The following ABCA10 variants were observed in gnomAD, a reference collection of about 807,000 sequenced individuals.
ABCA10 encodes ATP-binding cassette sub-family A member 10.
Under a neutral mutation model 187.5 loss-of-function variants are expected in ABCA10, and 169 were observed. The observed-to-expected ratio is 0.90, with a 90% CI of 0.80 to 1.02. The LOEUF is 1.02. ABCA10 is among the 50% of genes least tolerant of loss of function. ABCA10 has a pLI of 0.00. For synonymous variants in ABCA10, 574 were observed against 601.8 expected, an observed-to-expected ratio of 0.95 and a Z score of 0.68; for missense variants, 1,727 against 1,812.4, an observed-to-expected ratio of 0.95 and a Z score of 0.86.
At chr17:69,154,111 A>T in intron 31 of ABCA10, 102 bp from the exon 32 acceptor site, 1 of 1,484,316 alleles carries the variant, frequency 6.7e-7, no homozygotes, top group Non-Finnish European at 9.1e-7. Context: ...TATTTTTTGA[A>T]TACGCAAGAG....
At chr17:69,228,465 G>A (rs1181216227) in intron 1 of ABCA10, 116 bp downstream of exon 1, 1 of 151,694 alleles carries the variant, frequency 6.6e-6, no homozygotes, top group Non-Finnish European at 1.5e-5. Flanking sequence ...AAATAATTTA[G>A]AGCATCTGAA....
chr17:69,174,497 T>C, intron 24 of ABCA10, 103 bp from the exon 25 acceptor site: 2 of 1,450,220 alleles, frequency 1.4e-6, no homozygotes, highest in Non-Finnish European at 1.9e-6. Context: ...GCAATTTTCT[T>C]ATTTTCTTGC....
At chr17:69,232,541 T>C (rs1394841435), upstream of ABCA10, among the ~76,000 whole-genome samples, 1 of 152,190 alleles carries the variant, frequency 6.6e-6, no homozygotes, top group Non-Finnish European at 1.5e-5. Flanking sequence ...GAATTTTTGA[T>C]GTCACAATTT....
intron 4 of ABCA10, 147 bp downstream of exon 4, chr17:69,222,386 A>G (rs755435613): frequency 4.5e-6 from 3 of 662,928 alleles, no homozygotes; most frequent in Non-Finnish European, 6.7e-6. Flanking sequence ...AATGAGACTC[A>G]TCCTAAGTTA....
chr17:69,164,538 C>T (rs2074241541), intron 26 of ABCA10, among the ~76,000 whole-genome samples: 1 of 152,094 alleles, frequency 6.6e-6, no homozygotes, highest in Admixed American at 6.5e-5. Context: ...GTCATACACT[C>T]CAAAAGCAAT....
intron 1 of ABCA10, among the ~76,000 whole-genome samples, chr17:69,236,054 A>G (rs2074868269): frequency 6.6e-6 from 1 of 152,180 alleles, no homozygotes. Context: ...AATAACCATG[A>G]GGACAAAGAT....
intron 27 of ABCA10, among the ~76,000 whole-genome samples, chr17:69,161,201 A>T (rs2074215236): frequency 6.6e-6 from 1 of 152,222 alleles, no homozygotes; most frequent in Admixed American, 6.5e-5. Flanking sequence ...TATATAAAGT[A>T]GTAAAATTTA....
chr17:69,189,847 T>C (rs1034012726), intron 18 of ABCA10, among the ~76,000 whole-genome samples: 6 of 152,192 alleles, frequency 3.9e-5, no homozygotes, highest in African/African-American at 1.4e-4. Context: ...TGTGGCTTTA[T>C]TGCTGGGTTC....
chr17:69,155,975 G>A, intron 28 of ABCA10, 50 bp from the exon 29 acceptor site: 1 of 1,568,262 alleles, frequency 6.4e-7, no homozygotes, highest in Admixed American at 1.9e-5. Context: ...CTGTACAACT[G>A]TTAAGAAAAT....
intron 1 of ABCA10, among the ~76,000 whole-genome samples, chr17:69,243,677 C>A (rs1208107902): frequency 1.3e-5 from 2 of 152,294 alleles, no homozygotes; most frequent in East Asian, 3.9e-4. Flanking sequence ...GCAGGAGGAT[C>A]CCTTAAGCCC....
At chr17:69,173,515 G>C (rs1372498877) in intron 25 of ABCA10, among the ~76,000 whole-genome samples, 1 of 152,118 alleles carries the variant, frequency 6.6e-6, no homozygotes, top group East Asian at 1.9e-4. Flanking sequence ...AAGAAAAAAA[G>C]AGAGAGTCAA....
At chr17:69,206,454 C>G (rs2074592571) in intron 9 of ABCA10, among the ~76,000 whole-genome samples, 1 of 152,134 alleles carries the variant, frequency 6.6e-6, no homozygotes, top group South Asian at 2.1e-4. Flanking sequence ...AGTACAGCAC[C>G]TGAGTGTAGT....
chr17:69,157,071 A>G, intron 27 of ABCA10, 148 bp from the exon 28 acceptor site: 1 of 484,168 alleles, frequency 2.1e-6, no homozygotes, highest in Non-Finnish European at 3.6e-6. Flanking sequence ...GCAACTTGTA[A>G]AATACTTCTC....
At chr17:69,192,868 C>T (rs763837498) in intron 15 of ABCA10, among the ~76,000 whole-genome samples, 1 of 152,170 alleles carries the variant, frequency 6.6e-6, no homozygotes, top group Non-Finnish European at 1.5e-5. Flanking sequence ...AATCCAGTGC[C>T]TCAAAACTTT....
intron 10 of ABCA10, 78 bp downstream of exon 10, chr17:69,201,422 A>G (rs2074543423): frequency 4.8e-6 from 6 of 1,246,180 alleles, no homozygotes; most frequent in Non-Finnish European, 6.5e-6. Context: ...CACATAATCT[A>G]TATCAACATT....
In ABCA10 at chr17:69,175,242, C is replaced by T. The variant is rs1169130471; in HGVS notation, c.2877+164G>A. 2.6e-5 allele frequency among the ~76,000 whole-genome samples: 4 copies of T among 152,102 alleles called. No individual in the cohort carries two copies. In the East Asian group the frequency reaches 5.8e-4, roughly 22 times the overall value. ...TGCTAAATGGTAAACTTTCTGACCT[C>T]TTTGAAATCATGTGTTTACTATAAT... On this transcript the variant is annotated intron_variant, in intron 23 of 38. Coordinates refer to ENST00000690296, the MANE Select transcript of ABCA10 (RefSeq NM_001377321.1).
intron 3 of ABCA10, 55 bp from the exon 4 acceptor site, chr17:69,222,752 C>A (rs2074760658): frequency 4.2e-6 from 6 of 1,445,132 alleles, no homozygotes; most frequent in Non-Finnish European, 2.8e-6. Flanking sequence ...TACTAGAGGA[C>A]ACAAAAACAA....
intron 10 of ABCA10, among the ~76,000 whole-genome samples, chr17:69,199,669 C>G (rs2144814582): frequency 6.6e-6 from 1 of 152,306 alleles, no homozygotes; most frequent in African/African-American, 2.4e-5. Flanking sequence ...ACCTAAATAA[C>G]CGCTCTTCAT....
At chr17:69,166,209 C>G (rs2074253772) in intron 25 of ABCA10, among the ~76,000 whole-genome samples, 1 of 152,064 alleles carries the variant, frequency 6.6e-6, no homozygotes, top group Admixed American at 6.6e-5. Context: ...AGTGGCTTCT[C>G]ATGGTTCTTG....
Sources: allele counts gnomAD v4.1 joint callset (sites outside exome capture counted in the v4.1 genomes callset), GRCh38; gene constraint gnomAD v4.1.1; transcripts MANE v1.5; gene names NCBI Gene and HGNC (gene_info 2026-07-23, HGNC 2026-07-21).